The following LRMDA variants were observed in gnomAD, a reference collection of about 807,000 sequenced individuals.
LRMDA encodes the protein leucine-rich melanocyte differentiation-associated protein.
In LRMDA, 18 loss-of-function variants were observed where a neutral mutation model predicts 29.8. The ratio of observed to expected loss-of-function variants is 0.60; its 90% CI spans 0.42 to 0.90. The LOEUF is 0.90. LRMDA is among the 40% of genes least tolerant of loss of function. The pLI is 0.00. For synonymous variants in LRMDA, 125 were observed against 109.4 expected, an observed-to-expected ratio of 1.14 and a Z score of -0.89; for missense variants, 273 against 273.9, an observed-to-expected ratio of 1.00 and a Z score of 0.02.
chr10:76,140,811 A>C (rs1850184523), intron 5 of LRMDA, among the ~76,000 whole-genome samples: 1 of 152,112 alleles, frequency 6.6e-6, no homozygotes, highest in Non-Finnish European at 1.5e-5. Flanking sequence ...ATATTGCAGG[A>C]AGGAAGACTA....
In LRMDA at chr10:75,701,657, A is replaced by G. The variant is rs150041112; in HGVS notation, c.131+263163A>G. Among the ~76,000 whole-genome samples, 1,447 of 152,340 alleles carry G rather than the reference A, an allele frequency of 9.5e-3. 32 individuals carry two copies. Among genetic ancestry groups the G allele is most frequent in the South Asian group, 0.029 (141 of 4,830 alleles). ...CTTTAGTCAAACAGCACCTGTAAAC[A>G]GGGGAGCAGACCCCCACTAGCTGAA... On this transcript the variant is annotated intron_variant, in intron 2 of 6. Coordinates refer to ENST00000611255, the MANE Select transcript of LRMDA (RefSeq NM_001305581.2).
intron 5 of LRMDA, among the ~76,000 whole-genome samples, chr10:76,205,680 G>A (rs1851521228): frequency 6.6e-6 from 1 of 152,110 alleles, no homozygotes; most frequent in African/African-American, 2.4e-5. Context: ...GGGGGTGCGG[G>A]GTGAAGGGGA....
intron 2 of LRMDA, among the ~76,000 whole-genome samples, chr10:75,889,395 G>A (rs962491408): frequency 5.3e-5 from 8 of 152,214 alleles, no homozygotes; most frequent in African/African-American, 1.9e-4. Flanking sequence ...AGAAGGAATT[G>A]CTGGTAGAGC....
intron 2 of LRMDA, among the ~76,000 whole-genome samples, chr10:75,637,566 T>C (rs2132117126): frequency 6.6e-6 from 1 of 152,288 alleles, no homozygotes; most frequent in Middle Eastern, 3.4e-3. Context: ...AGTGTGTAGC[T>C]GTGTAGTTTT....
intron 5 of LRMDA, among the ~76,000 whole-genome samples, chr10:76,121,908 G>A (rs764378153): frequency 9.2e-5 from 14 of 152,126 alleles, no homozygotes; most frequent in South Asian, 4.1e-4. Flanking sequence ...TAAAGACCTG[G>A]TATGTGCCAG....
At chr10:76,460,816 G>A (rs994818630) in intron 6 of LRMDA, among the ~76,000 whole-genome samples, 2 of 152,158 alleles carry the variant, frequency 1.3e-5, no homozygotes, top group Admixed American at 1.3e-4. Context: ...GCATTGCAGA[G>A]CTACTTTCTC....
chr10:75,738,224 G>A (rs1469480927), intron 2 of LRMDA, among the ~76,000 whole-genome samples: 1 of 150,850 alleles, frequency 6.6e-6, no homozygotes, highest in South Asian at 2.1e-4. Flanking sequence ...ACTTCTCCCT[G>A]TCTCCTCCTT....
chr10:76,164,588 G>T (rs867171965), intron 5 of LRMDA, among the ~76,000 whole-genome samples: 2 of 152,194 alleles, frequency 1.3e-5, no homozygotes, highest in African/African-American at 4.8e-5. Context: ...TGTGTGGTCT[G>T]CAAAGAATGA....
chr10:75,475,128 G>A (rs1054596528), intron 2 of LRMDA, among the ~76,000 whole-genome samples: 5 of 152,186 alleles, frequency 3.3e-5, no homozygotes, highest in African/African-American at 1.2e-4. Context: ...GAGCACTGGA[G>A]ATGAGCATCT....
intron 2 of LRMDA, among the ~76,000 whole-genome samples, chr10:75,829,454 C>T (rs1844302463): frequency 6.6e-6 from 1 of 152,092 alleles, no homozygotes. Flanking sequence ...TTTTAAAAAT[C>T]ACTTTTTGGA....
chr10:76,271,216 T>G (rs897420436), intron 5 of LRMDA, among the ~76,000 whole-genome samples: 1 of 152,178 alleles, frequency 6.6e-6, no homozygotes, highest in Admixed American at 6.5e-5. Flanking sequence ...GAGGCCAGCC[T>G]GAGCCACATG....
intron 6 of LRMDA, among the ~76,000 whole-genome samples, chr10:76,335,078 G>T (rs561821753): frequency 1.3e-5 from 2 of 152,316 alleles, no homozygotes; most frequent in Admixed American, 1.3e-4. Context: ...GATTTAGGAA[G>T]AGATCAAGTT....
chr10:76,216,962 T>A (rs1388703735), intron 5 of LRMDA, among the ~76,000 whole-genome samples: 1 of 152,190 alleles, frequency 6.6e-6, no homozygotes, highest in African/African-American at 2.4e-5. Context: ...CATATGACAA[T>A]ATTGTATATC....
intron 5 of LRMDA, among the ~76,000 whole-genome samples, chr10:76,239,516 T>C (rs527586205): frequency 2.0e-5 from 3 of 152,254 alleles, no homozygotes; most frequent in South Asian, 4.1e-4. Context: ...CCTTTGATCT[T>C]TTTTAGTCTT....
intron 5 of LRMDA, among the ~76,000 whole-genome samples, chr10:76,143,953 T>G (rs1227307226): frequency 2.0e-5 from 3 of 152,238 alleles, no homozygotes; most frequent in Admixed American, 6.5e-5. Context: ...TAGGGAATCC[T>G]TTCCCCATTG....
At chr10:76,282,507 A>G (rs1411122824) in intron 5 of LRMDA, among the ~76,000 whole-genome samples, 2 of 152,172 alleles carry the variant, frequency 1.3e-5, no homozygotes, top group East Asian at 1.9e-4. Context: ...GTGGAGGTCT[A>G]TGATAACAAA....
At chr10:76,051,624 C>T (rs1011019259) in intron 4 of LRMDA, among the ~76,000 whole-genome samples, 12 of 152,246 alleles carry the variant, frequency 7.9e-5, no homozygotes, top group East Asian at 1.9e-4. Context: ...CAAGAAAGGA[C>T]GACATGGACA....
At chr10:75,719,610 G>A (rs894243747) in intron 2 of LRMDA, among the ~76,000 whole-genome samples, 1 of 152,148 alleles carries the variant, frequency 6.6e-6, no homozygotes, top group South Asian at 2.1e-4. Context: ...CTCCCTGGGG[G>A]CCAAGAAGCA....
intron 2 of LRMDA, among the ~76,000 whole-genome samples, chr10:75,663,352 T>G (rs1589150392): frequency 6.6e-6 from 1 of 152,206 alleles, no homozygotes; most frequent in East Asian, 1.9e-4. Flanking sequence ...GTCCTCTGTC[T>G]AGCAAAGGAT....
Sources: gnomAD v4.1 joint callset for allele counts (sites outside exome capture counted in the v4.1 genomes callset) on GRCh38, gnomAD v4.1.1 for gene constraint, MANE v1.5 for transcripts, NCBI Gene and HGNC (gene_info 2026-07-23, HGNC 2026-07-21) for gene names.